The following AGAP1 variants were observed in gnomAD, a reference collection of about 807,000 sequenced individuals.
AGAP1 encodes ArfGAP with GTPase domain, ankyrin repeat and PH domain 1.
Under a neutral mutation model 105.3 loss-of-function variants are expected in AGAP1, and 29 were observed. That is an observed-to-expected ratio of 0.28 (90% CI 0.21 to 0.38). The LOEUF is 0.38. Ranked by LOEUF, AGAP1 falls within the 10% of genes least tolerant of loss-of-function variation. The pLI is 1.00. For synonymous variants in AGAP1, 509 were observed against 485.9 expected (o/e 1.05, Z -0.63); for missense variants, 998 against 1,165.1 (o/e 0.86, Z 2.09).
chr2:235,768,613 T>G (rs1351573500), intron 6 of AGAP1, among the ~76,000 whole-genome samples: 3 of 152,210 alleles, frequency 2.0e-5, no homozygotes, highest in Non-Finnish European at 4.4e-5. Context: ...GGGGAGCCAA[T>G]GGGTAGAGCT....
At chr2:236,022,577 C>G (rs1298085970) in intron 13 of AGAP1, among the ~76,000 whole-genome samples, 1 of 152,198 alleles carries the variant, frequency 6.6e-6, no homozygotes, top group East Asian at 1.9e-4. Flanking sequence ...CTCTGTTGCC[C>G]AGGCTGGAGT....
intron 3 of AGAP1, among the ~76,000 whole-genome samples, chr2:235,738,048 A>G (rs1575277704): frequency 6.6e-6 from 1 of 152,190 alleles, no homozygotes; most frequent in South Asian, 2.1e-4. Flanking sequence ...GGCTCAGGAC[A>G]CAGGGTCGGG....
At chr2:235,533,839 T>C (rs1404286048) in intron 1 of AGAP1, among the ~76,000 whole-genome samples, 1 of 152,234 alleles carries the variant, frequency 6.6e-6, no homozygotes, top group Non-Finnish European at 1.5e-5. Context: ...AGCATCCATT[T>C]TGGGCTTGGG....
At chr2:235,999,760 A>AGAGG (rs2056031725) in intron 13 of AGAP1, among the ~76,000 whole-genome samples, 2 of 151,766 alleles carry the variant, frequency 1.3e-5, no homozygotes, top group African/African-American at 4.9e-5. Context: ...GATGATGCTG[A>AGAGG]TTATGATGTT....
chr2:235,567,036 G>C (rs1944369315), intron 1 of AGAP1, among the ~76,000 whole-genome samples: 1 of 152,192 alleles, frequency 6.6e-6, no homozygotes, highest in Non-Finnish European at 1.5e-5. Flanking sequence ...TGTCTTCTGG[G>C]TGGGTGTGAA....
In AGAP1 at chr2:235,635,372, T is replaced by A. The variant is rs1435987873; in HGVS notation, c.164-73807T>A. On this transcript the variant is annotated intron_variant, in intron 1 of 17. Coordinates refer to ENST00000304032, the MANE Select transcript of AGAP1 (RefSeq NM_001037131.3). This position sits in a 1 kb window ranked among gnomAD's most constrained non-coding sequence, Gnocchi z 5.3. The stretch of plus-strand genomic sequence containing the variant: ...CAGGACATTTCTCCGTTTCTCCTTT[T>A]CTCTGCCCGTAGGATTGACTTTCAT... 1.3e-5 allele frequency among the ~76,000 whole-genome samples: 2 copies of A among 152,188 alleles called. No individual in the cohort carries two copies. Among genetic ancestry groups the A allele is most frequent in the Non-Finnish European group, 2.9e-5 (2 of 68,024 alleles).
Position 236,012,313 on chromosome 2 carries a change from G to A in AGAP1, c.1646-24248G>A, listed in dbSNP as rs2125565593. ...CCGAGGGGTGCCCAGCCTCCATTCT[G>A]CCTATTTATATGTAAATATTGCTGC... is the stretch of plus-strand genomic sequence containing the variant. On this transcript the variant is annotated intron_variant, in intron 13 of 17. Coordinates refer to ENST00000304032, the MANE Select transcript of AGAP1 (RefSeq NM_001037131.3). The surrounding 1 kb of genome is among the most constrained non-coding windows in gnomAD (Gnocchi z 4.9). Among the ~76,000 whole-genome samples the A allele has an allele frequency of 6.6e-6, 1 of 151,942 alleles. No homozygotes were observed. The highest frequency in any genetic ancestry group is 1.9e-4 in the East Asian group (1 of 5,152).
rs1229207441 is a variant in AGAP1 at position 235,927,727 on chromosome 2, A to G, written c.1325-3038A>G. 1.3e-5 allele frequency among the ~76,000 whole-genome samples: 2 copies of G among 152,150 alleles called. No homozygotes were observed. The highest frequency in any genetic ancestry group is 4.8e-5 in the African/African-American group (2 of 41,426). The stretch of plus-strand genomic sequence containing the variant: ...TACTGTCCTCTGCCTTTTAAAGGAA[A>G]TTGTTCTGGAAGGTTTCTAGGCCTG... On this transcript the variant is annotated intron_variant, in intron 11 of 17. Transcript: ENST00000304032. The surrounding 1 kb of genome is among the most constrained non-coding windows in gnomAD (Gnocchi z 4.4).
chr2:235,876,767 C>T lies in AGAP1; in HGVS notation c.1051-6578C>T, dbSNP rs1317206970. On this transcript the variant is annotated intron_variant, in intron 9 of 17. Coordinates refer to ENST00000304032, the MANE Select transcript of AGAP1 (RefSeq NM_001037131.3). ...CGTTCTCCTTGCCTGCCTTCCTTCTCCTCTCTTGCCCCCAGGCGCATCCCT... is the reference window on the plus strand; with the variant it reads ...CGTTCTCCTTGCCTGCCTTCCTTCTTCTCTCTTGCCCCCAGGCGCATCCCT... 2.0e-5 allele frequency among the ~76,000 whole-genome samples: 3 copies of T among 152,180 alleles called. No homozygotes were observed. The East Asian group carries it at 5.8e-4, about 29-fold the overall frequency.
At chr2:236,091,007 G>A (rs1364194596) in intron 16 of AGAP1, among the ~76,000 whole-genome samples, 10 of 152,222 alleles carry the variant, frequency 6.6e-5, no homozygotes, top group Non-Finnish European at 8.8e-5. Context: ...CCGAAGTGCT[G>A]GGTTGACAGG....
At chr2:235,858,281 A>G (rs2048769393) in intron 9 of AGAP1, among the ~76,000 whole-genome samples, 2 of 152,376 alleles carry the variant, frequency 1.3e-5, no homozygotes, top group Non-Finnish European at 2.9e-5. Context: ...CGTTAGTTAA[A>G]AAATGTAAGA....
In AGAP1 at chr2:235,574,209, G is replaced by A. The variant is rs1375376495; in HGVS notation, c.163+79360G>A. Among the ~76,000 whole-genome samples, 3 of 152,174 alleles carry A rather than the reference G, an allele frequency of 2.0e-5. No homozygotes were observed. The highest frequency in any genetic ancestry group is 1.9e-4 in the East Asian group (1 of 5,190). On this transcript the variant is annotated intron_variant, in intron 1 of 17. Transcript: ENST00000304032. The surrounding 1 kb of genome is among the most constrained non-coding windows in gnomAD (Gnocchi z 5.0). ...GCACCTGAAGCATCTGGGCCTGGACGGACTCTTTCAGGTTGTTTGGATAAT... is the reference window on the plus strand; with the variant it reads ...GCACCTGAAGCATCTGGGCCTGGACAGACTCTTTCAGGTTGTTTGGATAAT...
intron 9 of AGAP1, among the ~76,000 whole-genome samples, chr2:235,871,965 C>A (rs2049466806): frequency 6.6e-6 from 1 of 152,204 alleles, no homozygotes; most frequent in African/African-American, 2.4e-5. Flanking sequence ...ACCACGCTGG[C>A]TGTGCATGTT....
In AGAP1 at chr2:235,716,481, C is replaced by T. The variant is rs774654452; in HGVS notation, c.223-1076C>T. Among the ~76,000 whole-genome samples the T allele has an allele frequency of 3.9e-5, 6 of 152,114 alleles. No homozygotes were observed. The highest frequency in any genetic ancestry group is 5.9e-5 in the Non-Finnish European group (4 of 68,028). On this transcript the variant is annotated intron_variant, in intron 2 of 17. Coordinates refer to ENST00000304032, the MANE Select transcript of AGAP1 (RefSeq NM_001037131.3). The surrounding 1 kb of genome is among the most constrained non-coding windows in gnomAD (Gnocchi z 4.0). ...TGAGTGGAGGCAGGAGGGAGGTCAA[C>T]AAGTGGAACCGAGAGCAAGCGGGGT...
chr2:235,909,882 G>T (rs919397724), intron 11 of AGAP1, among the ~76,000 whole-genome samples: 1 of 152,030 alleles, frequency 6.6e-6, no homozygotes, highest in African/African-American at 2.4e-5. Flanking sequence ...TTAGCCGGGC[G>T]TGGTAGCAGG....
intron 8 of AGAP1, among the ~76,000 whole-genome samples, chr2:235,803,012 T>G (rs200649866): frequency 5.2e-3 from 86 of 16,436 alleles, no homozygotes; most frequent in Non-Finnish European, 7.0e-3. Flanking sequence ...TGGTTGTGGT[T>G]GTGATGGTGG....
intron 9 of AGAP1, among the ~76,000 whole-genome samples, chr2:235,828,582 T>C (rs556455998): frequency 1.3e-5 from 2 of 152,282 alleles, no homozygotes; most frequent in Admixed American, 6.5e-5. Context: ...TATGTCTTAA[T>C]TGATAAACCT....
chr2:235,763,865 A>G (rs548377332), intron 6 of AGAP1, among the ~76,000 whole-genome samples: 1 of 152,312 alleles, frequency 6.6e-6, no homozygotes, highest in East Asian at 1.9e-4. Flanking sequence ...GACACGTGGG[A>G]CCCAGGCAGT....
At chr2:235,764,083 GAC>G (rs1954708691) in intron 6 of AGAP1, among the ~76,000 whole-genome samples, 1 of 145,294 alleles carries the variant, frequency 6.9e-6, no homozygotes, top group African/African-American at 2.6e-5. Flanking sequence ...GTGTGGCTGT[GAC>G]ATGTGGAGGC....
Sources: allele counts gnomAD v4.1 joint callset (sites outside exome capture counted in the v4.1 genomes callset), GRCh38; gene constraint gnomAD v4.1.1; non-coding constraint Gnocchi (gnomAD v3.1); transcripts MANE v1.5; gene names NCBI Gene and HGNC (gene_info 2026-07-23, HGNC 2026-07-21).